Variants in CNNM4 observed in about 807,000 individuals in gnomAD.
CNNM4 encodes metal transporter CNNM4.
Under a neutral mutation model 53.7 loss-of-function variants are expected in CNNM4, and 32 were observed. The observed-to-expected ratio is 0.60, with a 90% confidence interval of 0.45 to 0.80. CNNM4 has a LOEUF of 0.80. CNNM4 is among the 30% of genes least tolerant of loss of function. The pLI, the probability that CNNM4 is intolerant of heterozygous loss-of-function variation, is 0.00. For missense variants in CNNM4, 784 were observed against 1,022.0 expected (o/e 0.77, Z 3.17); for synonymous variants, 410 against 440.0 (o/e 0.93, Z 0.85).
intron 1 of CNNM4, among the ~76,000 whole-genome samples, chr2:96,788,340 C>T (rs1013590623): frequency 2.6e-5 from 4 of 151,900 alleles, no homozygotes; most frequent in South Asian, 2.1e-4. Context: ...GCTGGGCCAC[C>T]GCAGCCTTCT....
chr2:96,799,256 C>T (rs2079136220), intron 4 of CNNM4, 30 bp downstream of exon 4: 1 of 1,613,594 alleles, frequency 6.2e-7, no homozygotes, highest in East Asian at 2.2e-5. Flanking sequence ...GGCCTGCCAC[C>T]TGCTCCCCCT....
chr2:96,789,648 C>G (rs891553301), intron 1 of CNNM4, among the ~76,000 whole-genome samples: 2 of 152,090 alleles, frequency 1.3e-5, no homozygotes, highest in South Asian at 4.1e-4. Flanking sequence ...GCTCAGGAAC[C>G]CTGAAGTCCC....
Position 96,765,024 on chromosome 2 carries a change from G to GTTTT in CNNM4, c.1402+2662_1402+2665dup, listed in dbSNP as rs1158502593. 1.7e-3 allele frequency among the ~76,000 whole-genome samples: 71 copies of GTTTT among 41,556 alleles called. 17 individuals are homozygous for GTTTT. Among genetic ancestry groups the GTTTT allele is most frequent in the East Asian group, 4.0e-3 (5 of 1,258 alleles). 27.3% of individuals were successfully genotyped at this position (41,556 alleles called of 152,430 possible). ...GTTTAGGAGTCTGGTGTTGGGAATG[G>GTTTT]TTTTTTTTTTTTTTTTTTTTTTTTT... On this transcript the variant is annotated intron_variant, in intron 1 of 6. Coordinates refer to ENST00000377075, the MANE Select transcript of CNNM4 (RefSeq NM_020184.4).
chr2:96,794,311 A>G (rs1223110969), intron 1 of CNNM4, among the ~76,000 whole-genome samples: 1 of 152,144 alleles, frequency 6.6e-6, no homozygotes, highest in Non-Finnish European at 1.5e-5. Context: ...TGCCCATCAA[A>G]TATAACAGTA....
intron 1 of CNNM4, among the ~76,000 whole-genome samples, chr2:96,787,481 T>C (rs1006889740): frequency 6.6e-6 from 1 of 152,214 alleles, no homozygotes; most frequent in Non-Finnish European, 1.5e-5. Context: ...GCCCAGTAAC[T>C]TTCATTGAAT....
chr2:96,762,242 C>G lies in CNNM4; in HGVS notation c.1243C>G (p.Gln415Glu), dbSNP rs750042828. The change falls in exon 1 of 7, where the codon CAG becomes GAG. Residue 415 changes from glutamine (Q) to glutamate (E), a missense_variant. Around this residue, in one of 3 missense-constraint regions of CNNM4, gnomAD observed 473 missense variants for 624.6 expected, o/e 0.76. Transcript: ENST00000377075. ...TCGCATCCCGGTGTTCGAAGACGAG[C>G]AGTCCAATATTGTAGATATTCTCTA... ...YTRIPVFEDE[Q>E]SNIVDILYVK... 4.3e-6 allele frequency: 7 copies of G among 1,614,054 alleles called. No homozygotes were observed. The South Asian group carries it at 7.7e-5, about 18-fold the overall frequency.
chr2:96,771,293 CTT>C (rs570663726), intron 1 of CNNM4, among the ~76,000 whole-genome samples: 20 of 138,236 alleles, frequency 1.4e-4, no homozygotes, highest in African/African-American at 4.5e-4. Context: ...AGATGATTTT[CTT>C]TTTTTTTTTT....
chr2:96,809,138 A>G lies in CNNM4; in HGVS notation c.2131-182A>G, dbSNP rs571280008. ...ATTACAGGTGTGAGCCACTGTGCCC[A>G]GCCCTGAGATGCTTTCTTCTCTTGT... On this transcript the variant is annotated intron_variant, in intron 6 of 6. Transcript: ENST00000377075. The G allele has an allele frequency of 1.8e-5, 25 of 1,372,282 alleles. No individual in the cohort carries two copies. The East Asian group carries it at 5.8e-4, about 32-fold the overall frequency. The allele number at this position is 1,372,282 out of a possible 1,614,324, so 85.0% of individuals were successfully genotyped here.
Position 96,761,413 on chromosome 2 carries a change from C to T in CNNM4, c.414C>T (p.Phe138=), listed in dbSNP as rs2078760733. The change falls in exon 1 of 7, where the codon TTC becomes TTT. Residue 138 remains phenylalanine, a synonymous_variant. Transcript: ENST00000377075. The surrounding 1 kb of genome is among the most constrained non-coding windows in gnomAD (Gnocchi z 6.0). The stretch of plus-strand genomic sequence containing the variant: ...GCGTGCTGGTGGTGCTCACCAAGTT[C>T]CTCCGGAGGAGCGAGAGCATGAAGC... ...TSGVLVVLTK[F]LRRSESMKLY... 3.1e-6 allele frequency: 5 copies of T among 1,614,126 alleles called. No individual in the cohort carries two copies. The East Asian group carries it at 1.1e-4, about 36-fold the overall frequency.
intron 1 of CNNM4, among the ~76,000 whole-genome samples, chr2:96,766,100 C>CTTTT (rs559702736): frequency 1.8e-5 from 2 of 110,514 alleles, no homozygotes; most frequent in Non-Finnish European, 1.9e-5. Context: ...TTTTTCTTTT[C>CTTTT]TTTTTTTTTT....
At chr2:96,803,496 G>A (rs1415020492) in intron 5 of CNNM4, among the ~76,000 whole-genome samples, 1 of 152,132 alleles carries the variant, frequency 6.6e-6, no homozygotes, top group Non-Finnish European at 1.5e-5. Context: ...AGGCCGAGGT[G>A]CGTGGATTGC....
chr2:96,794,057 A>T (rs888434911), intron 1 of CNNM4, among the ~76,000 whole-genome samples: 3 of 152,120 alleles, frequency 2.0e-5, no homozygotes, highest in Non-Finnish European at 4.4e-5. Context: ...CCTGTGGAGT[A>T]ATTAGGGATG....
rs2079150851 is a variant in CNNM4 at position 96,800,730 on chromosome 2, GCA to G, written c.1948+1084_1948+1085del. On this transcript the variant is annotated intron_variant, in intron 5 of 6. Transcript: ENST00000377075. The surrounding 1 kb of genome is among the most constrained non-coding windows in gnomAD (Gnocchi z 4.6). ...AAATCTCATTCAGAAGGGCGGGCAG[GCA>G]CGGGAGGCTTCCCCCAGGCACTGTT... is the stretch of plus-strand genomic sequence containing the variant. Among the ~76,000 whole-genome samples the G allele has an allele frequency of 6.6e-6, 1 of 152,234 alleles. No homozygotes were observed. The highest frequency in any genetic ancestry group is 1.9e-4 in the East Asian group (1 of 5,198).
At chr2:96,803,744 C>T (rs1397479112) in intron 5 of CNNM4, among the ~76,000 whole-genome samples, 3 of 151,364 alleles carry the variant, frequency 2.0e-5, no homozygotes, top group Admixed American at 1.3e-4. Context: ...AAAAACCTTG[C>T]AGTTTTTGTT....
rs5832819 is a variant in CNNM4, at chr2:96,795,487, ACC to A, written c.1403-1515_1403-1514del. On this transcript the variant is annotated intron_variant, in intron 1 of 6. Coordinates refer to ENST00000377075, the MANE Select transcript of CNNM4 (RefSeq NM_020184.4). ...GTGTGAAAAACTTTCACAATGCAGT[ACC>A]CCCCCCCCCATCACATGGGGTGTAT... Among the ~76,000 whole-genome samples the A allele has an allele frequency of 7.2e-3, 993 of 137,066 alleles. 7 individuals are homozygous for A. The highest frequency in any genetic ancestry group is 0.023 in the African/African-American group (899 of 39,868). 89.9% of individuals were successfully genotyped at this position (137,066 alleles called of 152,430 possible).
chr2:96,789,518 G>A (rs2079042298), intron 1 of CNNM4, among the ~76,000 whole-genome samples: 1 of 152,102 alleles, frequency 6.6e-6, no homozygotes, highest in East Asian at 1.9e-4. Flanking sequence ...GTCGCTGGAG[G>A]GCAGAGTGGG....
chr2:96,789,129 G>A (rs182899566), intron 1 of CNNM4, among the ~76,000 whole-genome samples: 70 of 152,248 alleles, frequency 4.6e-4, no homozygotes, highest in African/African-American at 1.6e-3. Flanking sequence ...GTAGCATGGC[G>A]AGGAGCGAGG....
chr2:96,809,733 G>A lies in CNNM4; in HGVS notation c.*216G>A. 1 of 496,914 alleles carries A rather than the reference G, an allele frequency of 2.0e-6. No homozygotes were observed. Among genetic ancestry groups the A allele is most frequent in the Admixed American group, 3.4e-5 (1 of 29,174 alleles). 30.8% of individuals were successfully genotyped at this position (496,914 alleles called of 1,614,324 possible). A position where few individuals can be genotyped will look rare whatever the true frequency, so the allele number is the denominator to read the frequency against. On this transcript the variant is annotated 3_prime_UTR_variant, in exon 7 of 7. Transcript: ENST00000377075. ...CCAGCCCTGGATAGGGGGGGCAGTG[G>A]GCCAGCTACCGTAAGCAAAGGCTGT...
At chr2:96,794,356 C>G (rs1437760238) in intron 1 of CNNM4, among the ~76,000 whole-genome samples, 1 of 152,138 alleles carries the variant, frequency 6.6e-6, no homozygotes, top group Non-Finnish European at 1.5e-5. Flanking sequence ...ATAGCCTCCT[C>G]CCCAAACTCC....
Sources: gnomAD v4.1 joint callset for allele counts (sites outside exome capture counted in the v4.1 genomes callset) on GRCh38, gnomAD v4.1.1 for gene constraint, gnomAD v4.1.1 regional missense constraint, Gnocchi (gnomAD v3.1) non-coding constraint, MANE v1.5 for transcripts, NCBI Gene and HGNC (gene_info 2026-07-23, HGNC 2026-07-21) for gene names.